Variants in LRIF1 observed in about 807,000 individuals in gnomAD.
LRIF1 encodes ligand-dependent nuclear receptor-interacting factor 1.
In LRIF1, 32 loss-of-function variants were observed where a neutral mutation model predicts 52.7. The ratio of observed to expected loss-of-function variants is 0.61; its 90% CI spans 0.46 to 0.82. The LOEUF (loss-of-function observed/expected upper bound fraction) is 0.82. Among genes scored for constraint, LRIF1 ranks in the 40% least tolerant of loss-of-function variants. The pLI is 0.00. For missense variants in LRIF1, 887 were observed against 892.0 expected, an observed-to-expected ratio of 0.99 and a Z score of 0.07; for synonymous variants, 323 against 317.4, an observed-to-expected ratio of 1.02 and a Z score of -0.19.
At chr1:110,934,449 C>T in the LRIF1 span, among the ~76,000 whole-genome samples, 6 of 152,250 alleles carry the variant, frequency 3.9e-5, no homozygotes, top group African/African-American at 4.8e-5. Context: ...TGCCCTGTGT[C>T]GGAAGGGAGC....
the LRIF1 span, among the ~76,000 whole-genome samples, chr1:110,893,402 A>G: frequency 6.6e-6 from 1 of 152,152 alleles, no homozygotes. Flanking sequence ...AGCTCACCAC[A>G]GCCTCCGCCT....
intron 1 of LRIF1, among the ~76,000 whole-genome samples, chr1:110,955,725 AC>A (rs1658669062): frequency 6.6e-6 from 1 of 152,024 alleles, no homozygotes; most frequent in African/African-American, 2.4e-5. Flanking sequence ...TTAAACTTTG[AC>A]TGTCAAGGGG....
chr1:110,888,621 A>G, the LRIF1 span, among the ~76,000 whole-genome samples: 62 of 152,346 alleles, frequency 4.1e-4, no homozygotes, highest in African/African-American at 1.5e-3. Flanking sequence ...ATATGATTTT[A>G]TATTTTTACG....
At chr1:110,921,352 T>C in the LRIF1 span, among the ~76,000 whole-genome samples, 3 of 151,884 alleles carry the variant, frequency 2.0e-5, no homozygotes, top group African/African-American at 7.3e-5. Flanking sequence ...TCAAAAAATA[T>C]CAAGAAAGGA....
chr1:110,961,939 A>G (rs1394563407), intron 1 of LRIF1, among the ~76,000 whole-genome samples: 1 of 152,152 alleles, frequency 6.6e-6, no homozygotes, highest in East Asian at 1.9e-4. Flanking sequence ...ACATTCAAAA[A>G]TAATAAAAAC....
At chr1:110,945,709 G>A (rs1658189160), downstream of LRIF1, among the ~76,000 whole-genome samples, 1 of 152,178 alleles carries the variant, frequency 6.6e-6, no homozygotes, top group African/African-American at 2.4e-5. Context: ...TTACAGGTGT[G>A]AGCCACTGCG....
At chr1:110,924,595 G>A in the LRIF1 span, among the ~76,000 whole-genome samples, 2 of 152,138 alleles carry the variant, frequency 1.3e-5, no homozygotes, top group African/African-American at 4.8e-5. Flanking sequence ...AGAACAACAT[G>A]GAGGAAACCG....
At chr1:110,939,624 T>C in the LRIF1 span, 2 of 152,142 alleles carry the variant, frequency 1.3e-5, no homozygotes, top group African/African-American at 2.4e-5. Context: ...CAGCATGGCA[T>C]TGGCATAAAA....
rs1222681876 is a variant in LRIF1, at chr1:110,951,926, T to G, written c.958A>C (p.Thr320Pro). ...CCCAAATTTTTCCTATCTACAAAAG[T>G]TTTTAAAATCTTTGAAGCCACATTA... ...SNNVASKILKTFVDRKNLGDN... is the reference protein window; with the variant it reads ...SNNVASKILKPFVDRKNLGDN... The change falls in exon 2 of 4, where the codon ACT (threonine) becomes CCT (proline). Residue 320 changes from threonine (T) to proline (P), a missense_variant. Coordinates refer to ENST00000369763, the MANE Select transcript of LRIF1 (RefSeq NM_018372.4). The G allele has an allele frequency of 1.2e-5, 19 of 1,613,974 alleles. No individual in the cohort carries two copies. Among genetic ancestry groups the G allele is most frequent in the Non-Finnish European group, 1.6e-5 (19 of 1,179,980 alleles).
chr1:110,906,819 A>C, the LRIF1 span, among the ~76,000 whole-genome samples: 4 of 152,198 alleles, frequency 2.6e-5, no homozygotes, highest in African/African-American at 4.8e-5. Context: ...GAACTTGAAC[A>C]AGCTGATTCT....
At chr1:110,924,414 C>T in the LRIF1 span, among the ~76,000 whole-genome samples, 2 of 152,170 alleles carry the variant, frequency 1.3e-5, no homozygotes, top group Non-Finnish European at 2.9e-5. Context: ...ACTCACAGTT[C>T]CACATGGTGG....
At chr1:110,907,739 C>T in the LRIF1 span, among the ~76,000 whole-genome samples, 2 of 152,076 alleles carry the variant, frequency 1.3e-5, no homozygotes, top group African/African-American at 4.8e-5. Context: ...ATCTCACACA[C>T]ACAAAAAAAG....
the LRIF1 span, among the ~76,000 whole-genome samples, chr1:110,913,548 T>G: frequency 3.3e-5 from 5 of 152,176 alleles, no homozygotes; most frequent in African/African-American, 1.2e-4. Context: ...ATATGAAAAA[T>G]GCTCAACATC....
At chr1:110,886,869 A>ATATATATATATAT in the LRIF1 span, among the ~76,000 whole-genome samples, 253 of 82,758 alleles carry the variant, frequency 3.1e-3, no homozygotes, top group Non-Finnish European at 4.2e-3. Context: ...ATATATATAT[A>ATATATATATATAT]TTTTTTTTTT....
At chr1:110,920,658 A>G in the LRIF1 span, among the ~76,000 whole-genome samples, 3 of 152,214 alleles carry the variant, frequency 2.0e-5, no homozygotes, top group African/African-American at 7.2e-5. Context: ...TACAACACCA[A>G]AAGTGAATCT....
chr1:110,910,921 G>A, the LRIF1 span, among the ~76,000 whole-genome samples: 1 of 152,098 alleles, frequency 6.6e-6, no homozygotes, highest in Non-Finnish European at 1.5e-5. Context: ...CAAATTAACA[G>A]CCTAAGATCA....
the LRIF1 span, chr1:110,894,979 AG>A: frequency 6.2e-7 from 1 of 1,613,928 alleles, no homozygotes. Context: ...TATGTGGCTA[AG>A]GGTCTGACCG....
Position 110,948,023 on chromosome 1 carries a change from T to C in LRIF1, c.2246A>G (p.Lys749Arg), listed in dbSNP as rs752661913. ...TIRDEKIRRL[K>R]QVLREKEAAL... is the part of the protein sequence containing the mutation. ...TGCTTCTTTCTCTCTCAGCACCTGC[T>C]TAAGTCTTCTTATTTTTTCATCTCG... Residue 749 changes from lysine (K) to arginine (R), a missense_variant, in exon 4 of 4, where the codon AAG becomes AGG. By Grantham distance (26) the Lys-to-Arg change is conservative. Coordinates refer to ENST00000369763, the MANE Select transcript of LRIF1 (RefSeq NM_018372.4). 8.4e-5 allele frequency: 135 copies of C among 1,612,770 alleles called. No homozygotes were observed. Among genetic ancestry groups the C allele is most frequent in the Admixed American group, 3.7e-4 (22 of 59,836 alleles).
the LRIF1 span, among the ~76,000 whole-genome samples, chr1:110,889,369 A>C: frequency 6.6e-6 from 1 of 151,784 alleles, no homozygotes; most frequent in Non-Finnish European, 1.5e-5. Context: ...AGCCTGGCCA[A>C]CATGGTGAAA....
Sources: allele counts gnomAD v4.1 joint callset (sites outside exome capture counted in the v4.1 genomes callset), GRCh38; gene constraint gnomAD v4.1.1; transcripts MANE v1.5; gene names NCBI Gene and HGNC (gene_info 2026-07-23, HGNC 2026-07-21).